Variants in THSD7A observed in about 807,000 individuals in gnomAD.
The protein encoded by THSD7A is thrombospondin type 1 domain containing 7A.
In THSD7A, 96 loss-of-function variants were observed where a neutral mutation model predicts 231.3. The ratio of observed to expected loss-of-function variants is 0.41; its 90% CI spans 0.35 to 0.49. The LOEUF (loss-of-function observed/expected upper bound fraction) is 0.49. Among genes scored for constraint, THSD7A ranks in the 20% least tolerant of loss-of-function variants. The pLI is 0.05. For missense variants in THSD7A, 2,290 were observed against 2,070.2 expected (o/e 1.11, Z -2.06); for synonymous variants, 940 against 743.3 (o/e 1.26, Z -4.30).
At chr7:11,517,781 T>G (rs2128315128) in intron 6 of THSD7A, among the ~76,000 whole-genome samples, 1 of 152,358 alleles carries the variant, frequency 6.6e-6, no homozygotes, top group African/African-American at 2.4e-5. Flanking sequence ...GACAGACATA[T>G]TATCTCTATA....
chr7:11,731,886 G>A (rs905595081), intron 1 of THSD7A, among the ~76,000 whole-genome samples: 1 of 143,376 alleles, frequency 7.0e-6, no homozygotes, highest in Non-Finnish European at 1.5e-5. Flanking sequence ...TATATCTGCT[G>A]ATTTTAATTG....
At chr7:11,448,136 A>G (rs999492750) in intron 11 of THSD7A, among the ~76,000 whole-genome samples, 5 of 152,304 alleles carry the variant, frequency 3.3e-5, no homozygotes, top group African/African-American at 1.2e-4. Context: ...TTCATTTATT[A>G]TGTTAAAATT....
intron 6 of THSD7A, among the ~76,000 whole-genome samples, chr7:11,526,427 C>A (rs1562686155): frequency 6.6e-6 from 1 of 152,204 alleles, no homozygotes; most frequent in Non-Finnish European, 1.5e-5. Flanking sequence ...CCCCTTGGCA[C>A]ATTGAGCATG....
At chr7:11,378,821 T>C (rs1391349969) in intron 26 of THSD7A, 1 of 427,808 alleles carries the variant, frequency 2.3e-6, no homozygotes, top group African/African-American at 2.0e-5. Flanking sequence ...GGACTGGAAT[T>C]GAATTGAATT....
chr7:11,566,116 A>C (rs1790309413), intron 4 of THSD7A, among the ~76,000 whole-genome samples: 1 of 145,212 alleles, frequency 6.9e-6, no homozygotes, highest in Non-Finnish European at 1.5e-5. Flanking sequence ...ACAAATACGA[A>C]AGGTCAAATG....
chr7:11,371,106 C>G lies in THSD7A; in HGVS notation c.*4688G>C, dbSNP rs1008429516. The G allele has an allele frequency of 1.3e-5, 2 of 152,186 alleles. No individual in the cohort carries two copies. Among genetic ancestry groups the G allele is most frequent in the African/African-American group, 4.8e-5 (2 of 41,446 alleles). 9.4% of individuals were successfully genotyped at this position (152,186 alleles called of 1,614,324 possible). ...TTCATATACTGCCCATTTTTAAGAT[C>G]TGACTTGGTAGAAACACAGAAAAAT... On this transcript the variant is annotated 3_prime_UTR_variant, in exon 28 of 28. Coordinates refer to ENST00000423059, the MANE Select transcript of THSD7A (RefSeq NM_015204.3).
At chr7:11,463,527 C>T (rs1451482454) in intron 9 of THSD7A, among the ~76,000 whole-genome samples, 2 of 152,070 alleles carry the variant, frequency 1.3e-5, no homozygotes, top group Non-Finnish European at 2.9e-5. Flanking sequence ...CCTTGTATGA[C>T]CTATCCCAAT....
At chr7:11,640,779 A>G (rs1337530960) in intron 1 of THSD7A, among the ~76,000 whole-genome samples, 2 of 152,066 alleles carry the variant, frequency 1.3e-5, no homozygotes, top group African/African-American at 4.8e-5. Flanking sequence ...TGCCTTAAGA[A>G]ATAAAAGAAA....
intron 23 of THSD7A, among the ~76,000 whole-genome samples, chr7:11,392,602 C>G (rs1783027285): frequency 6.6e-6 from 1 of 152,188 alleles, no homozygotes; most frequent in Admixed American, 6.5e-5. Context: ...GATCCCACCC[C>G]CACAGAGCTC....
At chr7:11,740,872 G>A (rs1782089885) in intron 1 of THSD7A, among the ~76,000 whole-genome samples, 1 of 151,848 alleles carries the variant, frequency 6.6e-6, no homozygotes, top group Admixed American at 6.6e-5. Context: ...TATTAGTCCT[G>A]GAACATAGTA....
chr7:11,417,700 T>C, intron 16 of THSD7A, 97 bp from the exon 17 acceptor site: 1 of 1,302,850 alleles, frequency 7.7e-7, no homozygotes, highest in Non-Finnish European at 1.0e-6. Flanking sequence ...GGACAGATGG[T>C]TCTCCTTAAG....
At chr7:11,398,918 C>T (rs950952199) in intron 23 of THSD7A, among the ~76,000 whole-genome samples, 1 of 152,138 alleles carries the variant, frequency 6.6e-6, no homozygotes, top group Non-Finnish European at 1.5e-5. Flanking sequence ...CTTGAGACCA[C>T]GTGGGTAAAC....
At chr7:11,692,567 T>C (rs926865260) in intron 1 of THSD7A, among the ~76,000 whole-genome samples, 1 of 151,568 alleles carries the variant, frequency 6.6e-6, no homozygotes, top group Non-Finnish European at 1.5e-5. Context: ...ACAAAGCTAC[T>C]CTGGTGTGAA....
intron 4 of THSD7A, among the ~76,000 whole-genome samples, chr7:11,550,930 C>T (rs1789602548): frequency 6.6e-6 from 1 of 152,042 alleles, no homozygotes; most frequent in African/African-American, 2.4e-5. Context: ...AGGCATCACA[C>T]TCCCCACTTC....
chr7:11,656,579 T>C (rs1008492999), intron 1 of THSD7A, among the ~76,000 whole-genome samples: 9 of 151,932 alleles, frequency 5.9e-5, no homozygotes, highest in African/African-American at 1.9e-4. Context: ...TTAGATCATG[T>C]GTGTTTTTAA....
intron 9 of THSD7A, among the ~76,000 whole-genome samples, chr7:11,467,834 T>C (rs1785772520): frequency 6.6e-6 from 1 of 151,998 alleles, no homozygotes; most frequent in South Asian, 2.1e-4. Context: ...AAAAAATTTA[T>C]AGGCTATTAA....
At chr7:11,758,827 G>C (rs1163651997) in intron 1 of THSD7A, among the ~76,000 whole-genome samples, 1 of 152,054 alleles carries the variant, frequency 6.6e-6, no homozygotes, top group Non-Finnish European at 1.5e-5. Context: ...CATGGCCTCT[G>C]TTGCAACCAC....
chr7:11,582,029 G>C (rs976966494), intron 4 of THSD7A, among the ~76,000 whole-genome samples: 3 of 151,840 alleles, frequency 2.0e-5, no homozygotes, highest in Admixed American at 6.6e-5. Flanking sequence ...TTTATAGTTA[G>C]AACAAAATAA....
chr7:11,463,584 T>C (rs1053753995), intron 9 of THSD7A, among the ~76,000 whole-genome samples: 1 of 152,120 alleles, frequency 6.6e-6, no homozygotes, highest in African/African-American at 2.4e-5. Flanking sequence ...ATTATTCCCG[T>C]TGTGGGGTGT....
Sources: allele counts gnomAD v4.1 joint callset (sites outside exome capture counted in the v4.1 genomes callset), GRCh38; gene constraint gnomAD v4.1.1; transcripts MANE v1.5; gene names NCBI Gene and HGNC (gene_info 2026-07-23, HGNC 2026-07-21).